Variants in SSBP3 observed in about 807,000 individuals in gnomAD.
SSBP3 encodes the protein single-stranded DNA-binding protein 3.
A neutral mutation model predicts 69.6 loss-of-function variants in SSBP3; 5 were observed. That is an observed-to-expected ratio of 0.07 (90% CI 0.04 to 0.15). The LOEUF is 0.15. Among genes scored for constraint, SSBP3 ranks in the 10% least tolerant of loss-of-function variants. The pLI is 1.00. For missense variants in SSBP3, 312 were observed against 534.0 expected, an observed-to-expected ratio of 0.58 and a Z score of 4.10; for synonymous variants, 196 against 193.4, an observed-to-expected ratio of 1.01 and a Z score of -0.11.
chr1:54,253,174 G>GTT (rs5774180), intron 7 of SSBP3, among the ~76,000 whole-genome samples: 1,685 of 135,080 alleles, frequency 0.012, 48 homozygotes, highest in African/African-American at 0.043. Context: ...ATTTGTTTTT[G>GTT]TTTTTTTTTT....
At chr1:54,366,700 T>C (rs937152256) in intron 4 of SSBP3, among the ~76,000 whole-genome samples, 1 of 152,220 alleles carries the variant, frequency 6.6e-6, no homozygotes, top group Non-Finnish European at 1.5e-5. Flanking sequence ...CTCTATATTT[T>C]AGCAATTTTT....
chr1:54,259,380 A>C (rs1644978499), intron 5 of SSBP3, among the ~76,000 whole-genome samples: 1 of 152,068 alleles, frequency 6.6e-6, no homozygotes, highest in South Asian at 2.1e-4. Flanking sequence ...GTGTGTGTAG[A>C]CTGGGTCACA....
At chr1:54,376,573 T>C (rs1347439488) in intron 4 of SSBP3, among the ~76,000 whole-genome samples, 2 of 152,230 alleles carry the variant, frequency 1.3e-5, no homozygotes, top group African/African-American at 4.8e-5. Flanking sequence ...CAGCCTGGAC[T>C]CCTTCAAACC....
At chr1:54,401,421 G>A (rs1557595517) in intron 4 of SSBP3, among the ~76,000 whole-genome samples, 3 of 151,702 alleles carry the variant, frequency 2.0e-5, no homozygotes, top group Middle Eastern at 3.4e-3. Flanking sequence ...TTGAAAGATC[G>A]CTCTCTGGAA....
intron 4 of SSBP3, among the ~76,000 whole-genome samples, chr1:54,347,412 G>A (rs951883477): frequency 1.3e-4 from 20 of 150,702 alleles, no homozygotes; most frequent in African/African-American, 4.1e-4. Context: ...TATTGCCCAG[G>A]CTGGTCTTGA....
intron 4 of SSBP3, among the ~76,000 whole-genome samples, chr1:54,390,108 TC>T (rs1227681453): frequency 1.3e-5 from 2 of 152,126 alleles, no homozygotes; most frequent in Non-Finnish European, 2.9e-5. Context: ...TATCAGTTCT[TC>T]CGTCACGAAA....
intron 4 of SSBP3, among the ~76,000 whole-genome samples, chr1:54,385,459 CCTTCT>C (rs892705964): frequency 2.0e-5 from 3 of 152,102 alleles, no homozygotes; most frequent in African/African-American, 7.2e-5. Flanking sequence ...CTGTCCCTTC[CCTTCT>C]ATCTACCACT....
At chr1:54,322,320 G>A (rs1003528763) in intron 4 of SSBP3, among the ~76,000 whole-genome samples, 5 of 152,124 alleles carry the variant, frequency 3.3e-5, no homozygotes, top group Admixed American at 2.6e-4. Flanking sequence ...TTTGTAGCAC[G>A]GGGAAGCAGA....
intron 4 of SSBP3, among the ~76,000 whole-genome samples, chr1:54,349,815 T>TTCCTC (rs763084651): frequency 6.6e-6 from 1 of 152,098 alleles, no homozygotes; most frequent in Non-Finnish European, 1.5e-5. Context: ...TCTTTTAACT[T>TTCCTC]TCCTCTCCTC....
At chr1:54,276,608 C>CAAAAAAAAAAAAAAAAAAAAA (rs746933473) in intron 5 of SSBP3, among the ~76,000 whole-genome samples, 1 of 35,214 alleles carries the variant, frequency 2.8e-5, no homozygotes, top group African/African-American at 1.5e-4. Context: ...GACTCTGTCT[C>CAAAAAAAAAAAAAAAAAAAAA]AAAAAAAAAA....
At chr1:54,262,225 C>A (rs1419569549) in intron 5 of SSBP3, among the ~76,000 whole-genome samples, 2 of 152,176 alleles carry the variant, frequency 1.3e-5, no homozygotes, top group African/African-American at 2.4e-5. Flanking sequence ...GGACTCCTCG[C>A]AGTAAGGGAT....
intron 9 of SSBP3, among the ~76,000 whole-genome samples, chr1:54,251,074 C>A (rs1006791493): frequency 6.6e-6 from 1 of 152,214 alleles, no homozygotes; most frequent in African/African-American, 2.4e-5. Flanking sequence ...CCCCTCCCAC[C>A]AGAGAATCGC....
At chr1:54,310,600 C>G (rs1008518942) in intron 4 of SSBP3, among the ~76,000 whole-genome samples, 1 of 152,136 alleles carries the variant, frequency 6.6e-6, no homozygotes, top group East Asian at 1.9e-4. Flanking sequence ...CCTCCCTCCC[C>G]CACCCTCACA....
chr1:54,368,288 CAAAAA>C (rs57721486), intron 4 of SSBP3, among the ~76,000 whole-genome samples: 1 of 69,040 alleles, frequency 1.4e-5, no homozygotes, highest in Admixed American at 1.7e-4. Flanking sequence ...GACTCCATCT[CAAAAA>C]AAAAAAAAAA....
rs1224614151 is a variant in SSBP3, at chr1:54,258,608, T to C, written c.367-459A>G. ...CCCTGCCCTCAAGGAGCTCACAGTC[T>C]GGGGGACAGTGACACGGCTATGGGT... On this transcript the variant is annotated intron_variant, in intron 5 of 17. Transcript: ENST00000610401. This position sits in a 1 kb window ranked among gnomAD's most constrained non-coding sequence, Gnocchi z 4.5. Among the ~76,000 whole-genome samples, 6 of 152,042 alleles carry C rather than the reference T, an allele frequency of 3.9e-5. No homozygotes were observed. Among genetic ancestry groups the C allele is most frequent in the African/African-American group, 1.4e-4 (6 of 41,382 alleles).
intron 4 of SSBP3, among the ~76,000 whole-genome samples, chr1:54,333,315 G>A (rs1261398944): frequency 1.3e-5 from 2 of 152,184 alleles, no homozygotes; most frequent in Non-Finnish European, 2.9e-5. Context: ...TTGGTGTGCA[G>A]AGTCAGGAGA....
At chr1:54,238,191 C>A (rs757077378) in intron 14 of SSBP3, 1 of 471,102 alleles carries the variant, frequency 2.1e-6, no homozygotes, top group South Asian at 1.5e-5. Context: ...CAGCACAGGG[C>A]AGCCCGCGCT....
Position 54,405,097 on chromosome 1 carries a change from C to G in SSBP3, c.57-167G>C, listed in dbSNP as rs61230397. On this transcript the variant is annotated intron_variant, in intron 1 of 17. Transcript: ENST00000610401. ...CCCAAACAGGGCCGCCAGGTGCGAACAGTTAGGGGGTGGGGACCAGGGAAC... is the reference window on the plus strand; with the variant it reads ...CCCAAACAGGGCCGCCAGGTGCGAAGAGTTAGGGGGTGGGGACCAGGGAAC... Among the ~76,000 whole-genome samples, 1,004 of 152,282 alleles carry G rather than the reference C, an allele frequency of 6.6e-3. 11 individuals are homozygous for G. The highest frequency in any genetic ancestry group is 0.023 in the African/African-American group (961 of 41,554).
chr1:54,367,441 T>G (rs1647046829), intron 4 of SSBP3, among the ~76,000 whole-genome samples: 1 of 152,322 alleles, frequency 6.6e-6, no homozygotes, highest in South Asian at 2.1e-4. Context: ...CAAATGGGTC[T>G]CCACTACTGA....
Sources: gnomAD v4.1 joint callset for allele counts (sites outside exome capture counted in the v4.1 genomes callset) on GRCh38, gnomAD v4.1.1 for gene constraint, Gnocchi (gnomAD v3.1) non-coding constraint, MANE v1.5 for transcripts, NCBI Gene and HGNC (gene_info 2026-07-23, HGNC 2026-07-21) for gene names.